DYNC2H1: variants seen among roughly 807,000 people sequenced by gnomAD.
DYNC2H1 encodes dynein cytoplasmic 2 heavy chain 1.
In DYNC2H1, 410 loss-of-function variants were observed where a neutral mutation model predicts 570.0. That is an observed-to-expected ratio of 0.72 (90% CI 0.66 to 0.78). The LOEUF is 0.78. Among genes scored for constraint, DYNC2H1 ranks in the 30% least tolerant of loss-of-function variants. DYNC2H1 has a pLI of 0.00. For missense variants in DYNC2H1, 4,865 were observed against 5,046.4 expected (o/e 0.96, Z 1.09); for synonymous variants, 1,688 against 1,677.6 (o/e 1.01, Z -0.15).
In DYNC2H1 at chr11:103,211,824, C is replaced by A; in HGVS notation, c.8575C>A (p.His2859Asn). The change falls in exon 54 of 89, where the codon CAT becomes AAT. Residue 2859 changes from histidine (H) to asparagine (N), a missense_variant. By Grantham distance (68) the His-to-Asn change is moderately conservative. This residue lies in a region of DYNC2H1 where 2,401 missense variants were observed against 2,454.6 expected (regional missense o/e 0.98). Coordinates refer to ENST00000375735, the MANE Select transcript of DYNC2H1 (RefSeq NM_001377.3). ...TTTTCTAAAATCATTTTTATTAATCCATGAATCTTGTAAAGCATATGGTGC... is the reference window on the plus strand; with the variant it reads ...TTTTCTAAAATCATTTTTATTAATCAATGAATCTTGTAAAGCATATGGTGC... ...PDFLKSFLLI[H>N]ESCKAYGATP... is the part of the protein sequence containing the mutation. 2 of 1,406,418 alleles carry A rather than the reference C, an allele frequency of 1.4e-6. No homozygotes were observed. The highest frequency in any genetic ancestry group is 9.3e-7 in the Non-Finnish European group (1 of 1,073,368). The allele number at this position is 1,406,418 out of a possible 1,614,324, so 87.1% of individuals were successfully genotyped here.
chr11:103,256,043 G>T lies in DYNC2H1; in HGVS notation c.10327-63G>T, dbSNP rs1034454755. On this transcript the variant is annotated intron_variant, in intron 67 of 88. Coordinates refer to ENST00000375735, the MANE Select transcript of DYNC2H1 (RefSeq NM_001377.3). The surrounding 1 kb of genome is among the most constrained non-coding windows in gnomAD (Gnocchi z 4.0). ...ATCAAATGAATGACAGTTAATATGG[G>T]TTTGCTTTAATTGGTTATTTTTATA... The T allele has an allele frequency of 7.1e-7, 1 of 1,403,126 alleles. No individual in the cohort carries two copies. Among genetic ancestry groups the T allele is most frequent in the Non-Finnish European group, 9.6e-7 (1 of 1,039,824 alleles). 86.9% of individuals were successfully genotyped at this position (1,403,126 alleles called of 1,614,324 possible). A position where few individuals can be genotyped will look rare whatever the true frequency, so the allele number is the denominator to read the frequency against.
At chr11:103,365,894 T>C (rs1230161551) in intron 83 of DYNC2H1, among the ~76,000 whole-genome samples, 1 of 152,264 alleles carries the variant, frequency 6.6e-6, no homozygotes, top group Non-Finnish European at 1.5e-5. Flanking sequence ...TCGATCATCT[T>C]TAATAGACGC....
At chr11:103,135,390 T>A (rs1859483667) in intron 15 of DYNC2H1, 105 bp from the exon 16 acceptor site, 1 of 1,098,802 alleles carries the variant, frequency 9.1e-7, no homozygotes, top group Non-Finnish European at 1.2e-6. Context: ...GAGTTGGTTT[T>A]ATTTTTGTGA....
At chr11:103,312,343 G>T (rs1023696689) in intron 79 of DYNC2H1, among the ~76,000 whole-genome samples, 4 of 142,722 alleles carry the variant, frequency 2.8e-5, no homozygotes, top group African/African-American at 1.1e-4. Flanking sequence ...TTGTGCCATT[G>T]CACTCCAGCC....
Position 103,143,267 on chromosome 11 carries a change from G to A in DYNC2H1, c.2575-1G>A, listed in dbSNP as rs1860055933. ...AATACATTTTTTCTTTCTTTAAATA[G>A]GAATGGATTGTAATTGGGCAAGTTG... is the stretch of plus-strand genomic sequence containing the variant. On this transcript the variant is annotated splice_acceptor_variant, in intron 17 of 88. Coordinates refer to ENST00000375735, the MANE Select transcript of DYNC2H1 (RefSeq NM_001377.3). LOFTEE classifies it high-confidence loss of function. The A allele has an allele frequency of 1.2e-6, 2 of 1,612,498 alleles. No homozygotes were observed. Among genetic ancestry groups the A allele is most frequent in the Admixed American group, 1.7e-5 (1 of 59,940 alleles).
Position 103,205,471 on chromosome 11 carries a change from A to G in DYNC2H1, c.8454+507A>G, listed in dbSNP as rs1035672319. ...CAATCACTAATTTCTTTATTTTTCT[A>G]TAAGAGAAGTATAGTTTAATGCCTG... is the stretch of plus-strand genomic sequence containing the variant. On this transcript the variant is annotated intron_variant, in intron 52 of 88. Coordinates refer to ENST00000375735, the MANE Select transcript of DYNC2H1 (RefSeq NM_001377.3). The surrounding 1 kb of genome is among the most constrained non-coding windows in gnomAD (Gnocchi z 4.5). Among the ~76,000 whole-genome samples, 23 of 152,152 alleles carry G rather than the reference A, an allele frequency of 1.5e-4. No homozygotes were observed. Among genetic ancestry groups the G allele is most frequent in the African/African-American group, 5.3e-4 (22 of 41,446 alleles).
chr11:103,400,815 C>G (rs1176997694), intron 84 of DYNC2H1, among the ~76,000 whole-genome samples: 1 of 152,108 alleles, frequency 6.6e-6, no homozygotes, highest in East Asian at 1.9e-4. Flanking sequence ...TGCTTTTCTA[C>G]ATATACAGAA....
At chr11:103,273,739 G>T (rs1865798861) in intron 70 of DYNC2H1, among the ~76,000 whole-genome samples, 1 of 152,122 alleles carries the variant, frequency 6.6e-6, no homozygotes, top group South Asian at 2.1e-4. Context: ...AATTAAGGAA[G>T]AAGATCCTGG....
chr11:103,304,186 A>C (rs1452642404), intron 76 of DYNC2H1, among the ~76,000 whole-genome samples: 2 of 152,202 alleles, frequency 1.3e-5, no homozygotes, highest in Non-Finnish European at 1.5e-5. Context: ...TTGAAAAGTG[A>C]AAATTCTACA....
intron 18 of DYNC2H1, among the ~76,000 whole-genome samples, chr11:103,144,922 C>T (rs1156347857): frequency 1.3e-5 from 2 of 151,716 alleles, no homozygotes; most frequent in Admixed American, 1.3e-4. Context: ...GCTGTGTCAC[C>T]CAGGCTGGAG....
chr11:103,141,097 A>T (rs998153332), intron 17 of DYNC2H1, among the ~76,000 whole-genome samples: 21 of 152,178 alleles, frequency 1.4e-4, no homozygotes, highest in African/African-American at 4.6e-4. Flanking sequence ...TATTCTAGTT[A>T]TACATTCATC....
chr11:103,431,268 T>C (rs542334121), intron 84 of DYNC2H1, among the ~76,000 whole-genome samples: 1 of 151,680 alleles, frequency 6.6e-6, no homozygotes, highest in East Asian at 1.9e-4. Flanking sequence ...ACTGTAAGCC[T>C]TAATGTCTCC....
chr11:103,173,007 T>C (rs1861634641), intron 34 of DYNC2H1, 75 bp from the exon 35 acceptor site: 15 of 775,586 alleles, frequency 1.9e-5, no homozygotes, highest in Non-Finnish European at 2.6e-5. Flanking sequence ...GTTTCAAATA[T>C]AAACGATGCC....
At chr11:103,396,273 G>A (rs929507952) in intron 83 of DYNC2H1, among the ~76,000 whole-genome samples, 2 of 152,142 alleles carry the variant, frequency 1.3e-5, no homozygotes, top group Non-Finnish European at 2.9e-5. Flanking sequence ...TTGAGAGGTT[G>A]GCAAACTGCA....
intron 83 of DYNC2H1, among the ~76,000 whole-genome samples, chr11:103,398,312 C>T (rs891259678): frequency 2.2e-4 from 33 of 152,048 alleles, no homozygotes; most frequent in African/African-American, 8.0e-4. Context: ...ACATTTTCCC[C>T]CTCTGGATTC....
At chr11:103,437,488 C>G (rs1944107056) in intron 85 of DYNC2H1, among the ~76,000 whole-genome samples, 1 of 141,844 alleles carries the variant, frequency 7.1e-6, no homozygotes, top group African/African-American at 2.7e-5. Flanking sequence ...AACCAGTTCT[C>G]TGGATTGTAG....
At chr11:103,316,179 T>C (rs1256839415) in intron 79 of DYNC2H1, among the ~76,000 whole-genome samples, 1 of 149,748 alleles carries the variant, frequency 6.7e-6, no homozygotes, top group African/African-American at 2.4e-5. Context: ...TTGTGCAGTA[T>C]TTTTTTTTGT....
At position 103,228,148 on chromosome 11, in the gene DYNC2H1, G is replaced by GA. The variant is rs1471817609; in HGVS notation, c.9354-3112_9354-3111insA. Among the ~76,000 whole-genome samples, 3 of 152,110 alleles carry GA rather than the reference G, an allele frequency of 2.0e-5. No homozygotes were observed. The highest frequency in any genetic ancestry group is 7.2e-5 in the African/African-American group (3 of 41,430). On this transcript the variant is annotated intron_variant, in intron 59 of 88. Coordinates refer to ENST00000375735, the MANE Select transcript of DYNC2H1 (RefSeq NM_001377.3). This position sits in a 1 kb window ranked among gnomAD's most constrained non-coding sequence, Gnocchi z 6.1. ...GAATTCTTATCCATTCTGCCATTGT[G>GA]TATCTTTTAAGTGGAGCATTTACGC...
chr11:103,215,482 C>T lies in DYNC2H1; in HGVS notation c.8695-239C>T, dbSNP rs531600709. Among the ~76,000 whole-genome samples the T allele has an allele frequency of 2.6e-5, 4 of 152,198 alleles. No individual in the cohort carries two copies. In the East Asian group the frequency reaches 5.8e-4, roughly 22 times the overall value. On this transcript the variant is annotated intron_variant, in intron 54 of 88. Transcript: ENST00000375735. ...TTTGCACATGTGGAACCATTCTCTGCGATGCTTTAAAATTTGTTTTTCTTT... is the reference window on the plus strand; with the variant it reads ...TTTGCACATGTGGAACCATTCTCTGTGATGCTTTAAAATTTGTTTTTCTTT...
Sources: allele counts gnomAD v4.1 joint callset (sites outside exome capture counted in the v4.1 genomes callset), GRCh38; gene constraint gnomAD v4.1.1; regional missense constraint gnomAD v4.1.1; non-coding constraint Gnocchi (gnomAD v3.1); transcripts MANE v1.5; gene names NCBI Gene and HGNC (gene_info 2026-07-23, HGNC 2026-07-21).